Variants in KCNIP4 observed in about 807,000 individuals in gnomAD.
The protein encoded by KCNIP4 is potassium voltage-gated channel interacting protein 4.
Under a neutral mutation model 34.0 loss-of-function variants are expected in KCNIP4, and 12 were observed. That is an observed-to-expected ratio of 0.35 (90% CI 0.23 to 0.57). The LOEUF (loss-of-function observed/expected upper bound fraction) is 0.57, where lower values mean the gene tolerates loss of function less well. Among genes scored for constraint, KCNIP4 ranks in the 20% least tolerant of loss-of-function variants. The pLI is 0.83. For synonymous variants in KCNIP4, 124 were observed against 102.2 expected (o/e 1.21, Z -1.29); for missense variants, 238 against 311.7 (o/e 0.76, Z 1.78).
At chr4:21,016,612 T>C (rs1577540378) in intron 1 of KCNIP4, among the ~76,000 whole-genome samples, 1 of 152,198 alleles carries the variant, frequency 6.6e-6, no homozygotes, top group Non-Finnish European at 1.5e-5. Context: ...CTTTTATTTT[T>C]ATTTTTATTT....
chr4:21,218,484 A>T (rs1174310256), intron 1 of KCNIP4, among the ~76,000 whole-genome samples: 1 of 152,164 alleles, frequency 6.6e-6, no homozygotes, highest in Non-Finnish European at 1.5e-5. Flanking sequence ...AACTTGGCAT[A>T]TTAGAGGGCA....
intron 1 of KCNIP4, among the ~76,000 whole-genome samples, chr4:21,519,571 C>G (rs1232223948): frequency 3.0e-5 from 1 of 33,258 alleles, no homozygotes; most frequent in Non-Finnish European, 5.8e-5. Context: ...TGTATATATA[C>G]ACATATGTGT....
At chr4:21,299,367 A>G (rs1764027241) in intron 1 of KCNIP4, among the ~76,000 whole-genome samples, 1 of 152,096 alleles carries the variant, frequency 6.6e-6, no homozygotes, top group Non-Finnish European at 1.5e-5. Context: ...CTCTGAATAT[A>G]CTAAATCTTT....
intron 1 of KCNIP4, among the ~76,000 whole-genome samples, chr4:21,090,680 T>A (rs971191208): frequency 6.6e-6 from 1 of 152,162 alleles, no homozygotes; most frequent in Non-Finnish European, 1.5e-5. Flanking sequence ...GTTTTTCCAA[T>A]AAAAAGCTTT....
intron 1 of KCNIP4, among the ~76,000 whole-genome samples, chr4:21,034,293 G>A (rs1295813500): frequency 6.6e-6 from 1 of 152,102 alleles, no homozygotes; most frequent in Non-Finnish European, 1.5e-5. Context: ...GAGAATCATT[G>A]GTATTTGTTT....
chr4:20,802,185 C>CTATATATATGCTATATATGCTA (rs1714358837), intron 3 of KCNIP4, among the ~76,000 whole-genome samples: 1 of 86,808 alleles, frequency 1.2e-5, no homozygotes, highest in Non-Finnish European at 2.4e-5. Flanking sequence ...TATATATATG[C>CTATATATATGCTATATATGCTA]TATATATATG....
intron 1 of KCNIP4, among the ~76,000 whole-genome samples, chr4:21,882,901 G>C (rs746618498): frequency 6.6e-6 from 1 of 152,014 alleles, no homozygotes; most frequent in Non-Finnish European, 1.5e-5. Context: ...TGCTAATGTA[G>C]TAAAAACAAA....
At chr4:20,829,608 T>G (rs1718176710) in intron 3 of KCNIP4, among the ~76,000 whole-genome samples, 1 of 152,184 alleles carries the variant, frequency 6.6e-6, no homozygotes, top group Non-Finnish European at 1.5e-5. Context: ...TAATATACTT[T>G]TAGTTTAGCT....
intron 1 of KCNIP4, among the ~76,000 whole-genome samples, chr4:20,975,198 TAA>T (rs1468492369): frequency 6.6e-6 from 1 of 152,222 alleles, no homozygotes; most frequent in African/African-American, 2.4e-5. Flanking sequence ...CTTTTATTTT[TAA>T]GAGAGTGTAG....
chr4:21,002,027 C>G (rs1187608174), intron 1 of KCNIP4, among the ~76,000 whole-genome samples: 1 of 152,174 alleles, frequency 6.6e-6, no homozygotes, highest in African/African-American at 2.4e-5. Context: ...GAAATGTGAG[C>G]TGGGAGCTTT....
At chr4:21,535,138 A>G (rs1302928102) in intron 1 of KCNIP4, among the ~76,000 whole-genome samples, 3 of 152,138 alleles carry the variant, frequency 2.0e-5, no homozygotes, top group Non-Finnish European at 1.5e-5. Flanking sequence ...CTAAAGATGA[A>G]TAAAATTAGG....
chr4:21,442,755 C>T (rs1356934113), intron 1 of KCNIP4, among the ~76,000 whole-genome samples: 2 of 152,174 alleles, frequency 1.3e-5, no homozygotes, highest in Non-Finnish European at 1.5e-5. Flanking sequence ...TCTATCATTA[C>T]TTATTATCTT....
At chr4:21,739,334 A>G (rs1376390308) in intron 1 of KCNIP4, among the ~76,000 whole-genome samples, 1 of 152,102 alleles carries the variant, frequency 6.6e-6, no homozygotes, top group Admixed American at 6.6e-5. Context: ...TAATAAGAAT[A>G]AAGTATATAA....
intron 1 of KCNIP4, among the ~76,000 whole-genome samples, chr4:20,883,460 G>A (rs569387761): frequency 3.3e-5 from 5 of 152,176 alleles, no homozygotes; most frequent in East Asian, 1.9e-4. Context: ...GTGGCTGGAC[G>A]GGTGAGCTTG....
chr4:21,829,965 G>T (rs1188406134), intron 1 of KCNIP4, among the ~76,000 whole-genome samples: 1 of 151,978 alleles, frequency 6.6e-6, no homozygotes, highest in Non-Finnish European at 1.5e-5. Flanking sequence ...GAAAATAATT[G>T]TTTTAAATGA....
intron 1 of KCNIP4, among the ~76,000 whole-genome samples, chr4:21,546,074 G>A (rs1480302016): frequency 6.6e-6 from 1 of 151,950 alleles, no homozygotes; most frequent in Non-Finnish European, 1.5e-5. Flanking sequence ...CCTTTATTGG[G>A]GTTTTGATCA....
At chr4:21,306,458 C>A (rs1348140670) in intron 1 of KCNIP4, among the ~76,000 whole-genome samples, 1 of 152,144 alleles carries the variant, frequency 6.6e-6, no homozygotes, top group Non-Finnish European at 1.5e-5. Context: ...CTCACTACAG[C>A]CTTAACCTCC....
intron 1 of KCNIP4, among the ~76,000 whole-genome samples, chr4:20,997,982 A>G (rs1737722535): frequency 6.6e-6 from 1 of 152,194 alleles, no homozygotes; most frequent in Non-Finnish European, 1.5e-5. Flanking sequence ...TAATCCAGGT[A>G]GAGCTGTTAA....
chr4:20,739,894 C>T (rs916890056), intron 5 of KCNIP4, among the ~76,000 whole-genome samples: 2 of 152,098 alleles, frequency 1.3e-5, no homozygotes, highest in Admixed American at 1.3e-4. Context: ...TAGAGAAGAC[C>T]TTAAATGACC....
Sources: gnomAD v4.1 joint callset for allele counts (sites outside exome capture counted in the v4.1 genomes callset) on GRCh38, gnomAD v4.1.1 for gene constraint, MANE v1.5 for transcripts, NCBI Gene and HGNC (gene_info 2026-07-23, HGNC 2026-07-21) for gene names.